Variants in KIF13A observed in about 807,000 individuals in gnomAD.
KIF13A encodes the protein kinesin family member 13A.
KIF13A carries 79 observed loss-of-function variants against 212.2 expected under a neutral mutation model. The observed-to-expected ratio is 0.37, with a 90% CI of 0.31 to 0.45. KIF13A has a LOEUF of 0.45. Ranked by LOEUF, KIF13A falls within the 20% of genes least tolerant of loss-of-function variation. KIF13A has a pLI of 1.00. For synonymous variants in KIF13A, 789 were observed against 808.6 expected (o/e 0.98, Z 0.41); for missense variants, 1,901 against 2,209.0 (o/e 0.86, Z 2.79).
intron 17 of KIF13A, chr6:17,815,656 T>A (rs567913308): frequency 1.2e-5 from 5 of 422,980 alleles, no homozygotes; most frequent in African/African-American, 6.0e-5. Flanking sequence ...CAAAGATTAT[T>A]ATAATATTGG....
intron 16 of KIF13A, among the ~76,000 whole-genome samples, chr6:17,823,010 T>C (rs575705235): frequency 6.6e-6 from 1 of 151,430 alleles, no homozygotes; most frequent in African/African-American, 2.4e-5. Context: ...AGTTGTTTTT[T>C]CCTACTTTTT....
At chr6:17,981,631 C>T (rs983085244) in intron 2 of KIF13A, among the ~76,000 whole-genome samples, 10 of 151,898 alleles carry the variant, frequency 6.6e-5, no homozygotes, top group Admixed American at 5.3e-4. Flanking sequence ...ACAATGTTGG[C>T]CAGGATGATA....
Position 17,764,714 on chromosome 6 carries a change from G to C in KIF13A, c.4814C>G (p.Ser1605Cys). Residue 1605 changes from serine (S) to cysteine (C), a missense_variant, in exon 39 of 39, where the codon TCC (serine) becomes TGC (cysteine). By Grantham distance (112) the Ser-to-Cys change is moderately radical. Coordinates refer to ENST00000259711, the MANE Select transcript of KIF13A (RefSeq NM_022113.6). The surrounding 1 kb of genome is among the most constrained non-coding windows in gnomAD (Gnocchi z 5.1). ...CACCATGTCAGACAGGGTGGCATTG[G>C]AGGCACTGTGGGAAAAGTAGCCACT... ...ITSGYFSHSA[S>C]NATLSDMVVP... 6.2e-7 allele frequency: 1 copy of C among 1,613,336 alleles called. No homozygotes were observed. The highest frequency in any genetic ancestry group is 8.5e-7 in the Non-Finnish European group (1 of 1,179,588).
intron 2 of KIF13A, among the ~76,000 whole-genome samples, chr6:17,970,277 T>C (rs1165552710): frequency 7.2e-5 from 11 of 152,088 alleles, no homozygotes; most frequent in East Asian, 5.8e-4. Context: ...TTTTGATCCA[T>C]TTATTCAATT....
Position 17,850,543 on chromosome 6 carries a change from C to T in KIF13A, c.583-86G>A, listed in dbSNP as rs1158802928. 3.5e-5 allele frequency: 46 copies of T among 1,315,682 alleles called. No individual in the cohort carries two copies. The highest frequency in any genetic ancestry group is 4.5e-5 in the Non-Finnish European group (44 of 983,574). 81.5% of individuals were successfully genotyped at this position (1,315,682 alleles called of 1,614,324 possible). A position where few individuals can be genotyped will look rare whatever the true frequency, so the allele number is the denominator to read the frequency against. On this transcript the variant is annotated intron_variant, in intron 7 of 38. Coordinates refer to ENST00000259711, the MANE Select transcript of KIF13A (RefSeq NM_022113.6). The surrounding 1 kb of genome is among the most constrained non-coding windows in gnomAD (Gnocchi z 6.2). Reference sequence around the variant, plus strand: ...CCAGGTATATGTATTAATTATGATTCCTCTGATGCCTTTGTCACCACCCTT... The same window carrying T: ...CCAGGTATATGTATTAATTATGATTTCTCTGATGCCTTTGTCACCACCCTT...
chr6:17,987,084 G>T lies in KIF13A; in HGVS notation c.116C>A (p.Pro39His). Residue 39 changes from proline to histidine, a missense_variant, in exon 2 of 39, where the codon CCT (proline) becomes CAT (histidine). Pro to His is a moderately conservative substitution (Grantham distance 77). Transcript: ENST00000259711. This position sits in a 1 kb window ranked among gnomAD's most constrained non-coding sequence, Gnocchi z 7.7. ...EMEGNQTVLH[P>H]PPSNTKQGER... Reference sequence around the variant, plus strand: ...TCCCTGTTTGGTGTTAGAAGGAGGAGGGTGCAGGACCGTTTGATTCCCTTC... The same window carrying T: ...TCCCTGTTTGGTGTTAGAAGGAGGATGGTGCAGGACCGTTTGATTCCCTTC... The T allele has an allele frequency of 6.2e-7, 1 of 1,613,614 alleles. No homozygotes were observed. The highest frequency in any genetic ancestry group is 8.5e-7 in the Non-Finnish European group (1 of 1,179,580).
At chr6:17,893,723 TG>T (rs1339256405) in intron 3 of KIF13A, among the ~76,000 whole-genome samples, 1 of 152,116 alleles carries the variant, frequency 6.6e-6, no homozygotes, top group Non-Finnish European at 1.5e-5. Flanking sequence ...AGATTTCTCA[TG>T]GGCCTTTTAT....
rs1779553224 is a variant in KIF13A, at chr6:17,968,854, G to A, written c.146+18200C>T. 6.6e-6 allele frequency among the ~76,000 whole-genome samples: 1 copy of A among 152,202 alleles called. No homozygotes were observed. Among genetic ancestry groups the A allele is most frequent in the Non-Finnish European group, 1.5e-5 (1 of 68,030 alleles). On this transcript the variant is annotated intron_variant, in intron 2 of 38. Coordinates refer to ENST00000259711, the MANE Select transcript of KIF13A (RefSeq NM_022113.6). This position sits in a 1 kb window ranked among gnomAD's most constrained non-coding sequence, Gnocchi z 4.7. ...GAAATTAGAGGTCTCAGAGGGCCCA[G>A]ACTAGAAGCACTAGAACCACCAGTG... is the stretch of plus-strand genomic sequence containing the variant.
chr6:17,785,613 T>A lies in KIF13A; in HGVS notation c.3390A>T (p.Glu1130Asp). 6.2e-7 allele frequency: 1 copy of A among 1,606,494 alleles called. No homozygotes were observed. The change falls in exon 28 of 39, where the codon GAA (glutamate) becomes GAT (aspartate). Residue 1130 changes from glutamate to aspartate, a missense_variant. Transcript: ENST00000259711. This position sits in a 1 kb window ranked among gnomAD's most constrained non-coding sequence, Gnocchi z 5.8. ...TEKTEDDVER[E>D]AQLVEQWVGL... Reference sequence around the variant, plus strand: ...CTACCCACTGCTCCACAAGCTGGGCTTCCCGCTCCACATCGTCCTCTGTTT... The same window carrying A: ...CTACCCACTGCTCCACAAGCTGGGCATCCCGCTCCACATCGTCCTCTGTTT...
At position 17,972,529 on chromosome 6, in the gene KIF13A, G is replaced by A. The variant is rs552084159; in HGVS notation, c.146+14525C>T. Among the ~76,000 whole-genome samples, 142 of 152,314 alleles carry A rather than the reference G, an allele frequency of 9.3e-4. 2 individuals carry two copies. Among genetic ancestry groups the A allele is most frequent in the African/African-American group, 3.2e-3 (135 of 41,562 alleles). On this transcript the variant is annotated intron_variant, in intron 2 of 38. Coordinates refer to ENST00000259711, the MANE Select transcript of KIF13A (RefSeq NM_022113.6). ...TATTAAACCCTAGAACAGAATGTAA[G>A]TATGTTTAAAGGCTTGTTAATCTGT...
At chr6:17,824,769 AAAAAAAAAAAAC>A (rs1300126078) in intron 16 of KIF13A, among the ~76,000 whole-genome samples, 1 of 147,078 alleles carries the variant, frequency 6.8e-6, no homozygotes, top group Non-Finnish European at 1.5e-5. Flanking sequence ...TCAAAAAAAA[AAAAAAAAAAAAC>A]AAAACACCAA....
intron 2 of KIF13A, among the ~76,000 whole-genome samples, chr6:17,941,549 G>A (rs1776956674): frequency 6.6e-6 from 1 of 152,092 alleles, no homozygotes; most frequent in South Asian, 2.1e-4. Context: ...TTATAAGCAA[G>A]GAAATCCGGA....
intron 2 of KIF13A, among the ~76,000 whole-genome samples, chr6:17,921,669 T>G (rs1203015196): frequency 1.3e-5 from 2 of 152,068 alleles, no homozygotes; most frequent in Non-Finnish European, 2.9e-5. Flanking sequence ...CTGATGAGAA[T>G]CAAGGTGGGG....
Position 17,829,721 on chromosome 6 carries a change from C to G in KIF13A, c.1402-1351G>C, listed in dbSNP as rs934480858. Among the ~76,000 whole-genome samples, 5 of 152,058 alleles carry G rather than the reference C, an allele frequency of 3.3e-5. No homozygotes were observed. The highest frequency in any genetic ancestry group is 1.2e-4 in the African/African-American group (5 of 41,406). ...AAAATCAGGATTTCAGAGACAATTCCTTACCCCTACTCATTGCCTAAATGA... is the reference window on the plus strand; with the variant it reads ...AAAATCAGGATTTCAGAGACAATTCGTTACCCCTACTCATTGCCTAAATGA... On this transcript the variant is annotated intron_variant, in intron 13 of 38. Coordinates refer to ENST00000259711, the MANE Select transcript of KIF13A (RefSeq NM_022113.6). The surrounding 1 kb of genome is among the most constrained non-coding windows in gnomAD (Gnocchi z 5.4).
intron 2 of KIF13A, among the ~76,000 whole-genome samples, chr6:17,933,564 A>C (rs1776194678): frequency 6.6e-6 from 1 of 152,070 alleles, no homozygotes; most frequent in African/African-American, 2.4e-5. Context: ...TCTTTGAATA[A>C]AGAAAATAAT....
At chr6:17,976,173 C>T (rs1012602557) in intron 2 of KIF13A, among the ~76,000 whole-genome samples, 10 of 152,244 alleles carry the variant, frequency 6.6e-5, no homozygotes, top group Admixed American at 2.6e-4. Flanking sequence ...AGCTACCTGC[C>T]ACTCTCACGC....
intron 38 of KIF13A, among the ~76,000 whole-genome samples, chr6:17,767,514 T>A (rs7740566): frequency 6.6e-5 from 10 of 151,892 alleles, no homozygotes; most frequent in African/African-American, 1.9e-4. Context: ...CTCGGGCTTC[T>A]AAAGTGCTGG....
In KIF13A at chr6:17,799,420, G is replaced by A. The variant is rs769503676; in HGVS notation, c.2636C>T (p.Thr879Met). 3.1e-5 allele frequency: 48 copies of A among 1,564,908 alleles called. No individual in the cohort carries two copies. Among genetic ancestry groups the A allele is most frequent in the Non-Finnish European group, 3.6e-5 (42 of 1,155,044 alleles). ...ATTTGAGAGGTTTAAGGGCAGCCCC[G>A]TTGCTTCTTTAATTTTTACCTGAAG... is the stretch of plus-strand genomic sequence containing the variant. The part of the protein sequence containing the change: ...LTCRVKIKEA[T>M]GLPLNLSNFV... Residue 879 changes from threonine (T) to methionine (M), a missense_variant, in exon 22 of 39, where the codon ACG becomes ATG. Coordinates refer to ENST00000259711, the MANE Select transcript of KIF13A (RefSeq NM_022113.6). The surrounding 1 kb of genome is among the most constrained non-coding windows in gnomAD (Gnocchi z 4.4).
intron 2 of KIF13A, among the ~76,000 whole-genome samples, chr6:17,977,477 C>G (rs1048609596): frequency 6.6e-6 from 1 of 152,058 alleles, no homozygotes; most frequent in Admixed American, 6.5e-5. Context: ...CTAAGAGAAA[C>G]AACTGTAAGG....
Sources: allele counts gnomAD v4.1 joint callset (sites outside exome capture counted in the v4.1 genomes callset), GRCh38; gene constraint gnomAD v4.1.1; non-coding constraint Gnocchi (gnomAD v3.1); transcripts MANE v1.5; gene names NCBI Gene and HGNC (gene_info 2026-07-23, HGNC 2026-07-21).